LRIG2: variants seen among roughly 807,000 people sequenced by gnomAD.
LRIG2 encodes leucine rich repeats and immunoglobulin like domains 2.
In LRIG2, 93 loss-of-function variants were observed where a neutral mutation model predicts 107.8. That is an observed-to-expected ratio of 0.86 (90% CI 0.73 to 1.03). The LOEUF (loss-of-function observed/expected upper bound fraction) is 1.03, where lower values mean the gene tolerates loss of function less well. LRIG2 is among the 50% of genes least tolerant of loss of function. The pLI, the probability that LRIG2 is intolerant of heterozygous loss-of-function variation, is 0.00. For missense variants in LRIG2, 1,226 were observed against 1,296.0 expected (o/e 0.95, Z 0.83); for synonymous variants, 471 against 470.6 (o/e 1.00, Z -0.01).
intron 4 of LRIG2, among the ~76,000 whole-genome samples, chr1:113,093,874 A>G (rs1403011141): frequency 6.6e-6 from 1 of 152,242 alleles, no homozygotes; most frequent in African/African-American, 2.4e-5. Context: ...TTTTATATGC[A>G]TATGTGAGAC....
chr1:113,107,998 A>G (rs1429227862), intron 12 of LRIG2, among the ~76,000 whole-genome samples: 1 of 152,102 alleles, frequency 6.6e-6, no homozygotes, highest in Non-Finnish European at 1.5e-5. Context: ...GTTTTTTTAT[A>G]TGAACATTTT....
chr1:113,105,503 A>C (rs184582887), intron 11 of LRIG2, among the ~76,000 whole-genome samples: 1 of 152,358 alleles, frequency 6.6e-6, no homozygotes, highest in Admixed American at 6.5e-5. Flanking sequence ...TTATTGATGC[A>C]AAGCCTTGTG....
chr1:113,113,927 C>G (rs1022889118), intron 14 of LRIG2, among the ~76,000 whole-genome samples: 1 of 152,074 alleles, frequency 6.6e-6, no homozygotes, highest in Non-Finnish European at 1.5e-5. Flanking sequence ...TCTAGACTTT[C>G]CCCTCTCACT....
In LRIG2 at chr1:113,112,648, G is replaced by T; in HGVS notation, c.1968G>T (p.Glu656Asp). 1 of 1,614,130 alleles carries T rather than the reference G, an allele frequency of 6.2e-7. No homozygotes were observed. The highest frequency in any genetic ancestry group is 8.5e-7 in the Non-Finnish European group (1 of 1,180,020). Residue 656 changes from glutamate to aspartate, a missense_variant, in exon 14 of 18, where the codon GAG (glutamate) becomes GAT (aspartate). Physicochemically the swap from Glu to Asp is conservative, Grantham distance 45. Transcript: ENST00000361127. Reference sequence around the variant, plus strand: ...AAAGACGCATGCACGTCATGCCCGAGGATGACGTCTTCTTTATTGCCAATG... The same window carrying T: ...AAAGACGCATGCACGTCATGCCCGATGATGACGTCTTCTTTATTGCCAATG... ...ARERRMHVMP[E>D]DDVFFIANVK...
rs528215605 is a variant in LRIG2, at chr1:113,111,268, G to A, written c.1798+706G>A. Among the ~76,000 whole-genome samples, 10 of 152,282 alleles carry A rather than the reference G, an allele frequency of 6.6e-5. No individual in the cohort carries two copies. The East Asian group carries it at 9.7e-4, about 15-fold the overall frequency. On this transcript the variant is annotated intron_variant, in intron 13 of 17. Transcript: ENST00000361127. ...CCAGGTTGGTCTCAGACTCCTGAGC[G>A]CAAGTGATCCGCCTGCCTTGGCCTC...
At chr1:113,111,691 T>C (rs2101056571) in intron 13 of LRIG2, among the ~76,000 whole-genome samples, 1 of 152,362 alleles carries the variant, frequency 6.6e-6, no homozygotes, top group Non-Finnish European at 1.5e-5. Flanking sequence ...AACTACAACA[T>C]TTTAGGGTTT....
intron 11 of LRIG2, among the ~76,000 whole-genome samples, chr1:113,104,866 A>G (rs1236157147): frequency 6.6e-6 from 1 of 152,122 alleles, no homozygotes; most frequent in Non-Finnish European, 1.5e-5. Flanking sequence ...TGCCTACCTC[A>G]ACCGGGCACG....
At chr1:113,112,395 C>A in intron 13 of LRIG2, 84 bp from the exon 14 acceptor site, 1 of 1,246,876 alleles carries the variant, frequency 8.0e-7, no homozygotes, top group Non-Finnish European at 1.1e-6. Context: ...GTCTTGCCTA[C>A]TAGATTCTTT....
At chr1:113,104,538 G>T (rs116674877) in intron 11 of LRIG2, among the ~76,000 whole-genome samples, 2,617 of 148,554 alleles carry the variant, frequency 0.018, 91 homozygotes, top group African/African-American at 0.061. Flanking sequence ...TTTTTTTTGA[G>T]ATGGAGTCTC....
In LRIG2 at chr1:113,116,202, C is replaced by A. The variant is rs1435717334; in HGVS notation, c.2531-85C>A. ...GTACAGTTTTTCTTGCTAATAGTAT[C>A]AAAGTGGAACACATTTGCAAAATAG... is the stretch of plus-strand genomic sequence containing the variant. On this transcript the variant is annotated intron_variant, in intron 15 of 17. Coordinates refer to ENST00000361127, the MANE Select transcript of LRIG2 (RefSeq NM_014813.3). The A allele has an allele frequency of 5.9e-6, 7 of 1,190,842 alleles. No homozygotes were observed. In the East Asian group the frequency reaches 1.5e-4, roughly 25 times the overall value. 73.8% of individuals were successfully genotyped at this position (1,190,842 alleles called of 1,614,324 possible). A position where few individuals can be genotyped will look rare whatever the true frequency, so the allele number is the denominator to read the frequency against.
rs1353671429 is a variant in LRIG2, at chr1:113,098,734, C to T, written c.1121C>T (p.Ala374Val). 6 of 1,612,412 alleles carry T rather than the reference C, an allele frequency of 3.7e-6. No homozygotes were observed. The African/African-American group carries it at 6.7e-5, about 18-fold the overall frequency. The stretch of plus-strand genomic sequence containing the variant: ...TTAAGAAACAATGAAATTTCATGGG[C>T]CATAGAAGATGCTAGTGAAGCCTTT... ...LDLRNNEISW[A>V]IEDASEAFAG... The change falls in exon 9 of 18, where the codon GCC (alanine) becomes GTC (valine). Residue 374 changes from alanine to valine, a missense_variant. This residue lies in a region of LRIG2 where 570 missense variants were observed against 550.2 expected (regional missense o/e 1.04). Coordinates refer to ENST00000361127, the MANE Select transcript of LRIG2 (RefSeq NM_014813.3).
intron 1 of LRIG2, among the ~76,000 whole-genome samples, chr1:113,073,918 G>C (rs1183847620): frequency 6.8e-6 from 1 of 147,522 alleles, no homozygotes; most frequent in Admixed American, 7.0e-5. Flanking sequence ...AAATGGGGCG[G>C]GCATATTTAA....
intron 13 of LRIG2, among the ~76,000 whole-genome samples, chr1:113,111,263 T>G (rs897558822): frequency 2.0e-5 from 3 of 152,240 alleles, no homozygotes; most frequent in Non-Finnish European, 4.4e-5. Flanking sequence ...CTCAGACTCC[T>G]GAGCGCAAGT....
chr1:113,109,663 C>A (rs549818798), intron 12 of LRIG2, among the ~76,000 whole-genome samples: 1 of 152,068 alleles, frequency 6.6e-6, no homozygotes. Context: ...GGATTACAGG[C>A]GGCCGCCACC....
At chr1:113,082,368 A>C (rs1279785778) in intron 1 of LRIG2, among the ~76,000 whole-genome samples, 1 of 152,212 alleles carries the variant, frequency 6.6e-6, no homozygotes, top group Non-Finnish European at 1.5e-5. Context: ...TGGTTGTTAC[A>C]CAATTATACC....
chr1:113,112,207 A>G (rs2101057169), intron 13 of LRIG2, among the ~76,000 whole-genome samples: 1 of 152,246 alleles, frequency 6.6e-6, no homozygotes, highest in East Asian at 1.9e-4. Context: ...GTGGGAGGAT[A>G]GCTTGAGGCC....
chr1:113,100,226 C>A lies in LRIG2; in HGVS notation c.1188C>A (p.Asn396Lys). Residue 396 changes from asparagine to lysine, a missense_variant, in exon 10 of 18, where the codon AAC (asparagine) becomes AAA (lysine). By Grantham distance (94) the Asn-to-Lys change is moderately conservative (BLOSUM62 0). Transcript: ENST00000361127. The part of the protein sequence containing the change: ...TSLTKLILQG[N>K]QIKSITKKAF... ...TATATTTCAGAATCTTACAAGGAAA[C>A]CAGATTAAGTCAATTACAAAGAAAG... The A allele has an allele frequency of 6.3e-7, 1 of 1,578,374 alleles. No individual in the cohort carries two copies. The highest frequency in any genetic ancestry group is 8.7e-7 in the Non-Finnish European group (1 of 1,154,492).
chr1:113,122,577 G>A (rs1019510109), intron 17 of LRIG2, among the ~76,000 whole-genome samples: 2 of 152,232 alleles, frequency 1.3e-5, no homozygotes, highest in Admixed American at 1.3e-4. Context: ...CAGAAATGTA[G>A]TCCCATCTTT....
intron 1 of LRIG2, 100 bp from the exon 2 acceptor site, chr1:113,091,218 C>T: frequency 1.4e-6 from 1 of 726,418 alleles, no homozygotes; most frequent in Non-Finnish European, 2.2e-6. Context: ...GCCACTGTAC[C>T]TGGCCAAGAG....
Sources: gnomAD v4.1 joint callset for allele counts (sites outside exome capture counted in the v4.1 genomes callset) on GRCh38, gnomAD v4.1.1 for gene constraint, gnomAD v4.1.1 regional missense constraint, MANE v1.5 for transcripts, NCBI Gene and HGNC (gene_info 2026-07-23, HGNC 2026-07-21) for gene names.